SYN3: variants seen among roughly 807,000 people sequenced by gnomAD.
The protein encoded by SYN3 is synapsin III.
Under a neutral mutation model 65.8 loss-of-function variants are expected in SYN3, and 35 were observed. That is an observed-to-expected ratio of 0.53 (90% CI 0.41 to 0.70). The LOEUF (loss-of-function observed/expected upper bound fraction) is 0.70, where lower values mean the gene tolerates loss of function less well. SYN3 is among the 30% of genes least tolerant of loss of function. The pLI is 0.00. For missense variants in SYN3, 680 were observed against 749.0 expected, an observed-to-expected ratio of 0.91 and a Z score of 1.08; for synonymous variants, 270 against 292.9, an observed-to-expected ratio of 0.92 and a Z score of 0.80.
Position 32,533,873 on chromosome 22 carries a change from A to G in SYN3, c.1015T>C (p.Cys339Arg). 1 of 1,613,852 alleles carries G rather than the reference A, an allele frequency of 6.2e-7. No individual in the cohort carries two copies. The highest frequency in any genetic ancestry group is 8.5e-7 in the Non-Finnish European group (1 of 1,179,880). ...TERYRLWVDS[C>R]SEMFGGLDIC... ...TCCAGGCCGCCAAACATTTCCGAGC[A>G]GCTGTCCACCCACAGCCTGTACCTG... The change falls in exon 10 of 14, where the codon TGC becomes CGC. Residue 339 changes from cysteine to arginine, a missense_variant. Coordinates refer to ENST00000358763, the MANE Select transcript of SYN3 (RefSeq NM_003490.4).
chr22:32,646,990 G>A lies in SYN3; in HGVS notation c.712-50254C>T, dbSNP rs536083227. ...CCCCTGAAGCCCCCTGCCTTCGCTG[G>A]TTGCTGGGAACCAAGTGAAACTCTC... On this transcript the variant is annotated intron_variant, in intron 6 of 13. Transcript: ENST00000358763. Among the ~76,000 whole-genome samples, 4 of 152,314 alleles carry A rather than the reference G, an allele frequency of 2.6e-5. No individual in the cohort carries two copies. The South Asian group carries it at 6.2e-4, about 24-fold the overall frequency.
At chr22:32,900,460 A>G (rs1002382228) in intron 4 of SYN3, among the ~76,000 whole-genome samples, 3 of 152,252 alleles carry the variant, frequency 2.0e-5, no homozygotes, top group Non-Finnish European at 4.4e-5. Context: ...ACATTTATTG[A>G]ATAAATACTC....
At chr22:32,546,169 G>A (rs2058333364) in intron 7 of SYN3, among the ~76,000 whole-genome samples, 1 of 152,134 alleles carries the variant, frequency 6.6e-6, no homozygotes, top group South Asian at 2.1e-4. Flanking sequence ...TTCTACCCCT[G>A]GAACCACCAT....
intron 6 of SYN3, among the ~76,000 whole-genome samples, chr22:32,730,584 T>C (rs1419859985): frequency 6.6e-6 from 1 of 152,164 alleles, no homozygotes; most frequent in African/African-American, 2.4e-5. Flanking sequence ...TTACAGACAA[T>C]AATATTGTGA....
At chr22:32,555,970 C>T (rs904446309) in intron 7 of SYN3, among the ~76,000 whole-genome samples, 1 of 152,166 alleles carries the variant, frequency 6.6e-6, no homozygotes, top group African/African-American at 2.4e-5. Context: ...AATACCAGGT[C>T]ATGCTCACAG....
intron 6 of SYN3, among the ~76,000 whole-genome samples, chr22:32,826,421 C>A (rs2047414301): frequency 6.6e-6 from 1 of 151,652 alleles, no homozygotes; most frequent in Non-Finnish European, 1.5e-5. Flanking sequence ...AGAGCAAACT[C>A]CGTCTCAAAA....
rs977987275 is a variant in SYN3, at chr22:32,507,972, G to A, written c.*5720C>T. On this transcript the variant is annotated 3_prime_UTR_variant, in exon 14 of 14. Coordinates refer to ENST00000358763, the MANE Select transcript of SYN3 (RefSeq NM_003490.4). Reference sequence around the variant, plus strand: ...ACTCGAAGCAGCCCTGAGAAACATCGCCCATTCTCTCTCCATACCACCCCC... The same window carrying A: ...ACTCGAAGCAGCCCTGAGAAACATCACCCATTCTCTCTCCATACCACCCCC... 2.6e-5 allele frequency among the ~76,000 whole-genome samples: 4 copies of A among 151,604 alleles called. No homozygotes were observed. The highest frequency in any genetic ancestry group is 9.7e-5 in the African/African-American group (4 of 41,140).
At chr22:33,034,755 C>A (rs762885925) in intron 1 of SYN3, among the ~76,000 whole-genome samples, 2 of 152,156 alleles carry the variant, frequency 1.3e-5, no homozygotes, top group Non-Finnish European at 2.9e-5. Flanking sequence ...AACCGAAGCT[C>A]AGGGGGCTTC....
chr22:32,904,875 A>G (rs1481642176), intron 4 of SYN3, among the ~76,000 whole-genome samples: 1 of 152,196 alleles, frequency 6.6e-6, no homozygotes, highest in East Asian at 1.9e-4. Flanking sequence ...GTTGTAAGGC[A>G]TTCTTTGCAT....
rs371826498 is a variant in SYN3 at position 32,669,155 on chromosome 22, G to T, written c.712-72419C>A. 7.2e-4 allele frequency among the ~76,000 whole-genome samples: 110 copies of T among 152,038 alleles called. 1 individual carries two copies. The highest frequency in any genetic ancestry group is 2.6e-3 in the African/African-American group (107 of 41,466). ...CTTGTAGATCTGGGATTTGAAACCGGGTTCTTAGACACTAAGGCTAGTCCT... is the reference window on the plus strand; with the variant it reads ...CTTGTAGATCTGGGATTTGAAACCGTGTTCTTAGACACTAAGGCTAGTCCT... On this transcript the variant is annotated intron_variant, in intron 6 of 13. Coordinates refer to ENST00000358763, the MANE Select transcript of SYN3 (RefSeq NM_003490.4).
chr22:32,733,337 G>C (rs2061295764), intron 6 of SYN3, among the ~76,000 whole-genome samples: 2 of 152,302 alleles, frequency 1.3e-5, no homozygotes, highest in South Asian at 4.1e-4. Flanking sequence ...GATATTTCTT[G>C]GGCCTAAAAT....
rs2048763983 is a variant in SYN3, at chr22:32,868,956, T to C, written c.621+10A>G. The C allele has an allele frequency of 6.2e-7, 1 of 1,612,704 alleles. No homozygotes were observed. Among genetic ancestry groups the C allele is most frequent in the South Asian group, 1.1e-5 (1 of 90,876 alleles). ...CAGATCCCTCCAGGTCAGCCTGCCC[T>C]GTCACCTACCACCCAGGGCTTGCTG... is the stretch of plus-strand genomic sequence containing the variant. On this transcript the variant is annotated intron_variant, in intron 5 of 13. Transcript: ENST00000358763.
At position 32,801,817 on chromosome 22, in the gene SYN3, C is replaced by T; in HGVS notation, c.711+63098G>A. 1.6e-6 allele frequency: 1 copy of T among 613,840 alleles called. No individual in the cohort carries two copies. The highest frequency in any genetic ancestry group is 2.2e-6 in the Non-Finnish European group (1 of 450,754). The allele number at this position is 613,840 out of a possible 1,614,324, so 38.0% of individuals were successfully genotyped here. ...CGCCCGCCGAGTCCTGCGCCAGCGC[C>T]GAGGCAGCCTCGCTGCGCCCCATCC... On this transcript the variant is annotated intron_variant, in intron 6 of 13. Transcript: ENST00000358763. The surrounding 1 kb of genome is among the most constrained non-coding windows in gnomAD (Gnocchi z 4.7).
intron 7 of SYN3, among the ~76,000 whole-genome samples, chr22:32,542,592 C>G (rs2058274280): frequency 6.8e-6 from 1 of 146,298 alleles, no homozygotes. Context: ...GTGTGTTGTA[C>G]ATGTGGTATA....
At chr22:32,684,786 A>C (rs2060568935) in intron 6 of SYN3, among the ~76,000 whole-genome samples, 1 of 152,180 alleles carries the variant, frequency 6.6e-6, no homozygotes. Flanking sequence ...GATGTCAGAA[A>C]ATGTGGGTTC....
At chr22:32,780,993 TCTCTCACCC>T (rs2046043839) in intron 6 of SYN3, among the ~76,000 whole-genome samples, 4 of 74,706 alleles carry the variant, frequency 5.4e-5, no homozygotes, top group Non-Finnish European at 5.5e-5. Context: ...TTCCTTCCTC[TCTCTCACCC>T]CCTTCTTTCT....
intron 6 of SYN3, among the ~76,000 whole-genome samples, chr22:32,602,964 A>G (rs1023874134): frequency 2.6e-5 from 4 of 151,388 alleles, no homozygotes; most frequent in African/African-American, 9.7e-5. Flanking sequence ...GAACCAGCAG[A>G]ATTTGGAGAC....
rs566327991 is a variant in SYN3 at position 32,875,264 on chromosome 22, G to A, written c.462-6139C>T. On this transcript the variant is annotated intron_variant, in intron 4 of 13. Transcript: ENST00000358763. ...GCCCGGTGGGGTTTACAGACAGCCC[G>A]GCTCTCTGTTGAATCCGAGGGCCCT... 2.8e-4 allele frequency among the ~76,000 whole-genome samples: 43 copies of A among 152,298 alleles called. 2 individuals are homozygous for A. In the South Asian group the frequency reaches 7.5e-3, roughly 26 times the overall value.
intron 6 of SYN3, among the ~76,000 whole-genome samples, chr22:32,706,417 AGT>A (rs2060881641): frequency 6.6e-6 from 1 of 152,242 alleles, no homozygotes; most frequent in South Asian, 2.1e-4. Flanking sequence ...GCGTATTTAA[AGT>A]GTTGATGCAG....
Sources: gnomAD v4.1 joint callset for allele counts (sites outside exome capture counted in the v4.1 genomes callset) on GRCh38, gnomAD v4.1.1 for gene constraint, Gnocchi (gnomAD v3.1) non-coding constraint, MANE v1.5 for transcripts, NCBI Gene and HGNC (gene_info 2026-07-23, HGNC 2026-07-21) for gene names.